Variants in AP3D1 observed in about 807,000 individuals in gnomAD.
AP3D1 encodes adaptor related protein complex 3 subunit delta 1.
In AP3D1, 51 loss-of-function variants were observed where a neutral mutation model predicts 147.6. The observed-to-expected ratio is 0.35, with a 90% CI of 0.28 to 0.44. The LOEUF is 0.44. Ranked by LOEUF, AP3D1 falls within the 20% of genes least tolerant of loss-of-function variation. The pLI is 1.00. For missense variants in AP3D1, 1,421 were observed against 1,624.2 expected (o/e 0.87, Z 2.15); for synonymous variants, 760 against 663.0 (o/e 1.15, Z -2.25).
chr19:2,107,167 G>C (rs2018133295), intron 31 of AP3D1, among the ~76,000 whole-genome samples: 1 of 151,782 alleles, frequency 6.6e-6, no homozygotes, highest in Admixed American at 6.6e-5. Context: ...GGAGGCTGAG[G>C]CAGAATGGCA....
intron 18 of AP3D1, 64 bp downstream of exon 18, chr19:2,116,143 C>T: frequency 2.0e-6 from 3 of 1,520,800 alleles, no homozygotes; most frequent in Non-Finnish European, 2.7e-6. Flanking sequence ...CAGATGGATG[C>T]CGCGGGGCTC....
intron 1 of AP3D1, among the ~76,000 whole-genome samples, chr19:2,156,863 TAAAAC>T (rs1379499113): frequency 2.0e-5 from 3 of 149,756 alleles, no homozygotes; most frequent in Non-Finnish European, 3.0e-5. Context: ...ACTAAATAAA[TAAAAC>T]AAAACTAAAC....
Position 2,129,470 on chromosome 19 carries a change from G to A in AP3D1, c.593-13C>T, listed in dbSNP as rs770215341. 8.1e-6 allele frequency: 13 copies of A among 1,612,028 alleles called. No homozygotes were observed. In the East Asian group the frequency reaches 2.2e-4, roughly 28 times the overall value. ...GCCGACTGAACCCCTGGGGAACAAG[G>A]GGTTCTCATCAGCATGCCTGTCCTT... On this transcript the variant is annotated splice_polypyrimidine_tract_variant and intron_variant, in intron 6 of 31. Transcript: ENST00000643116.
intron 9 of AP3D1, among the ~76,000 whole-genome samples, chr19:2,124,387 G>A (rs148103453): frequency 6.6e-6 from 1 of 152,314 alleles, no homozygotes; most frequent in African/African-American, 2.4e-5. Context: ...ATTCCCCTTT[G>A]CTGACTCTGC....
At chr19:2,151,161 G>T in intron 1 of AP3D1, 78 bp downstream of exon 1, 1 of 1,343,024 alleles carries the variant, frequency 7.4e-7, no homozygotes. Flanking sequence ...GGCAGGCCGA[G>T]CAGGCCCAGT....
At chr19:2,125,964 T>C (rs961967276) in intron 9 of AP3D1, among the ~76,000 whole-genome samples, 10 of 151,724 alleles carry the variant, frequency 6.6e-5, no homozygotes, top group African/African-American at 2.2e-4. Flanking sequence ...CTGGGCAACA[T>C]AGTGAGACCT....
At chr19:2,116,870 C>T in intron 16 of AP3D1, 124 bp from the exon 17 acceptor site, 2 of 1,268,682 alleles carry the variant, frequency 1.6e-6, no homozygotes, top group Non-Finnish European at 2.1e-6. Flanking sequence ...GGCCTGCCAC[C>T]CACACAGGGC....
In AP3D1 at chr19:2,111,756, T is replaced by C. The variant is rs1423318696; in HGVS notation, c.2860A>G (p.Lys954Glu). 1 of 1,611,664 alleles carries C rather than the reference T, an allele frequency of 6.2e-7. No individual in the cohort carries two copies. The highest frequency in any genetic ancestry group is 1.7e-5 in the Admixed American group (1 of 59,674). ...EERTKGKKKS[K>E]KQPPGSEEAA... ...TCCTCGCTGCCTGGAGGCTGCTTCT[T>C]GGACTTCTTCTTGCCTTTGGTCCGC... is the stretch of plus-strand genomic sequence containing the variant. Residue 954 changes from lysine (K) to glutamate (E), a missense_variant, in exon 25 of 32, where the codon AAG becomes GAG. Lys to Glu is a moderately conservative substitution (Grantham distance 56). Transcript: ENST00000643116.
chr19:2,114,176 T>G lies in AP3D1; in HGVS notation c.2550A>C (p.Lys850Asn), dbSNP rs55698722. The change falls in exon 22 of 32, where the codon AAA (lysine) becomes AAC (asparagine). Residue 850 changes from lysine (K) to asparagine (N), a missense_variant. This residue lies in a region of AP3D1 where 791 missense variants were observed against 761.4 expected (regional missense o/e 1.04). Coordinates refer to ENST00000643116, the MANE Select transcript of AP3D1 (RefSeq NM_001261826.3). ...CCTTGTCTCTCTCTTTCTCTTTGTGTTTTTTCTCTTTCTTCTTGGGTTTCT... is the reference window on the plus strand; with the variant it reads ...CCTTGTCTCTCTCTTTCTCTTTGTGGTTTTTCTCTTTCTTCTTGGGTTTCT... ...KSKKPKKKEK[K>N]HKEKERDKEK... 1.1e-5 allele frequency: 18 copies of G among 1,594,264 alleles called. No homozygotes were observed. The highest frequency in any genetic ancestry group is 1.5e-5 in the Non-Finnish European group (18 of 1,170,036).
chr19:2,118,405 T>A (rs1404226578), intron 15 of AP3D1, among the ~76,000 whole-genome samples, 196 bp downstream of exon 15: 1 of 152,224 alleles, frequency 6.6e-6, no homozygotes, highest in Non-Finnish European at 1.5e-5. Flanking sequence ...CCAGTCCTAC[T>A]GACGGATCCC....
intron 8 of AP3D1, among the ~76,000 whole-genome samples, chr19:2,128,468 C>CTCCGACACTGCA (rs1568294598): frequency 2.7e-5 from 2 of 75,430 alleles, no homozygotes; most frequent in Non-Finnish European, 5.1e-5. Context: ...AGCCGGCCCG[C>CTCCGACACTGCA]CCCCGCCGCT....
At chr19:2,133,470 T>C (rs1014792401) in intron 4 of AP3D1, 7 of 152,126 alleles carry the variant, frequency 4.6e-5, no homozygotes, top group African/African-American at 1.7e-4. Context: ...AAGATCCGTT[T>C]TCAGGGTTAA....
rs142566326 is a variant in AP3D1, at chr19:2,157,524, C to CCCATCCATCCAT, written c.-103+6820_-103+6831dup. On this transcript the variant is annotated intron_variant, in intron 1 of 14. Coordinates refer to the AP3D1 transcript ENST00000643010. ...ATCCACCTATCCACCCATACAGTAA[C>CCCATCCATCCAT]CCATCCATCCATCCATCCATCCATC... Among the ~76,000 whole-genome samples, 4 of 148,666 alleles carry CCCATCCATCCAT rather than the reference C, an allele frequency of 2.7e-5. No individual in the cohort carries two copies. In the East Asian group the frequency reaches 6.0e-4, roughly 22 times the overall value.
chr19:2,137,916 ATT>A, intron 2 of AP3D1, 109 bp from the exon 3 acceptor site: 1 of 909,956 alleles, frequency 1.1e-6, no homozygotes, highest in Non-Finnish European at 1.7e-6. Flanking sequence ...GAACAGACTC[ATT>A]CACTGTCAGC....
intron 1 of AP3D1, among the ~76,000 whole-genome samples, chr19:2,160,535 CAA>C: frequency 7.0e-6 from 1 of 142,936 alleles, no homozygotes; most frequent in Middle Eastern, 3.6e-3. Context: ...TCCTCCGTCT[CAA>C]AAAAAAAAAA....
In AP3D1 at chr19:2,110,800, G is replaced by A. The variant is rs745503252; in HGVS notation, c.3082C>T (p.Leu1028Phe). ...RSSSILKGMELSVLDSLNARM... is the reference protein window; with the variant it reads ...RSSSILKGMEFSVLDSLNARM... ...GCATTGAGTGAGTCCAGCACGCTGA[G>A]CTCCATGCCCTTGAGGATGCTGCTG... The change falls in exon 27 of 32, where the codon CTC becomes TTC. Residue 1028 changes from leucine (L) to phenylalanine (F), a missense_variant. Physicochemically the swap from Leu to Phe is conservative, Grantham distance 22 (BLOSUM62 0). This residue lies in a region of AP3D1 where 791 missense variants were observed against 761.4 expected (regional missense o/e 1.04). Transcript: ENST00000643116. The A allele has an allele frequency of 6.2e-7, 1 of 1,613,464 alleles. No homozygotes were observed. The highest frequency in any genetic ancestry group is 1.3e-5 in the African/African-American group (1 of 74,926).
Position 2,114,142 on chromosome 19 carries a change from T to C in AP3D1, c.2584A>G (p.Lys862Glu), listed in dbSNP as rs776139781. 56 of 1,560,560 alleles carry C rather than the reference T, an allele frequency of 3.6e-5. No homozygotes were observed. Among genetic ancestry groups the C allele is most frequent in the Admixed American group, 3.1e-4 (16 of 51,282 alleles). ...KEKERDKEKK[K>E]EKEKKAEDLD... ...AGCCTTACCTTCTTCTCCTTCTCCT[T>C]CTTCTTCTCCTTGTCTCTCTCTTTC... Residue 862 changes from lysine (K) to glutamate (E), a missense_variant, in exon 22 of 32, where the codon AAG becomes GAG. Around this residue, in one of 6 missense-constraint regions of AP3D1, gnomAD observed 791 missense variants for 761.4 expected, o/e 1.04. Transcript: ENST00000643116.
chr19:2,103,668 G>A (rs1426046022), intron 31 of AP3D1, among the ~76,000 whole-genome samples: 1 of 152,186 alleles, frequency 6.6e-6, no homozygotes, highest in Non-Finnish European at 1.5e-5. Context: ...GTGGTGGTGT[G>A]CTTGGGGCCA....
At position 2,137,106 on chromosome 19, in the gene AP3D1, A is replaced by G. The variant is rs2019097356; in HGVS notation, c.274-15T>C. The G allele has an allele frequency of 1.3e-6, 2 of 1,572,108 alleles. No individual in the cohort carries two copies. Among genetic ancestry groups the G allele is most frequent in the African/African-American group, 1.4e-5 (1 of 73,642 alleles). Reference sequence around the variant, plus strand: ...TAGCCAATTCGCTGGGAGAGAACAGATGAGCACATCAGAGGCAGGACACCC... The same window carrying G: ...TAGCCAATTCGCTGGGAGAGAACAGGTGAGCACATCAGAGGCAGGACACCC... On this transcript the variant is annotated splice_polypyrimidine_tract_variant and intron_variant, in intron 3 of 31. Coordinates refer to ENST00000643116, the MANE Select transcript of AP3D1 (RefSeq NM_001261826.3).
Sources: allele counts gnomAD v4.1 joint callset (sites outside exome capture counted in the v4.1 genomes callset), GRCh38; gene constraint gnomAD v4.1.1; regional missense constraint gnomAD v4.1.1; transcripts MANE v1.5; gene names NCBI Gene and HGNC (gene_info 2026-07-23, HGNC 2026-07-21).